LRSAM1: variants seen among roughly 807,000 people sequenced by gnomAD.
The protein encoded by LRSAM1 is E3 ubiquitin-protein ligase LRSAM1.
LRSAM1 carries 96 observed loss-of-function variants against 118.1 expected under a neutral mutation model. That is an observed-to-expected ratio of 0.81 (90% CI 0.69 to 0.96). The LOEUF is 0.96. Among genes scored for constraint, LRSAM1 ranks in the 40% least tolerant of loss-of-function variants. LRSAM1 has a pLI of 0.00. For synonymous variants in LRSAM1, 322 were observed against 364.2 expected (o/e 0.88, Z 1.32); for missense variants, 804 against 915.5 (o/e 0.88, Z 1.57).
chr9:127,489,425 C>A lies in LRSAM1; in HGVS notation c.1348-19C>A. 6.2e-7 allele frequency: 1 copy of A among 1,600,250 alleles called. No homozygotes were observed. The highest frequency in any genetic ancestry group is 8.5e-7 in the Non-Finnish European group (1 of 1,174,620). ...GTGTGGGCACGGCCCCTGCTGAGGG[C>A]TGGTGGTCTGTGTTGCAGAGCGCGA... On this transcript the variant is annotated intron_variant, in intron 18 of 25. Transcript: ENST00000300417.
intron 25 of LRSAM1, among the ~76,000 whole-genome samples, chr9:127,501,393 A>G (rs917843880): frequency 4.6e-5 from 7 of 151,966 alleles, no homozygotes; most frequent in African/African-American, 1.7e-4. Context: ...AATTTCCCAA[A>G]TCATGAAATA....
intron 3 of LRSAM1, 89 bp downstream of exon 3, chr9:127,454,688 G>T: frequency 5.9e-6 from 8 of 1,350,504 alleles, no homozygotes; most frequent in Non-Finnish European, 7.3e-6. Flanking sequence ...AACAAGCCGT[G>T]CTCCTTCCCA....
At chr9:127,451,491 C>T (rs1564245669), upstream of LRSAM1, 1 of 712,168 alleles carries the variant, frequency 1.4e-6, no homozygotes, top group South Asian at 1.8e-5. Flanking sequence ...CTTCCAGAGA[C>T]GCCCTTGTCG....
At chr9:127,453,654 C>T (rs1339056601) in intron 2 of LRSAM1, 1 of 152,248 alleles carries the variant, frequency 6.6e-6, no homozygotes, top group Non-Finnish European at 1.5e-5. Flanking sequence ...CTCTAAGTTT[C>T]CCTAGAACAG....
chr9:127,451,902 T>C (rs979269705), intron 1 of LRSAM1, 27 bp from the exon 2 acceptor site: 1 of 152,456 alleles, frequency 6.6e-6, no homozygotes, highest in African/African-American at 2.4e-5. Context: ...TGCGTGACTT[T>C]ATGAGATTCT....
chr9:127,467,304 A>G (rs1834991185), intron 9 of LRSAM1, among the ~76,000 whole-genome samples: 1 of 152,246 alleles, frequency 6.6e-6, no homozygotes, highest in Admixed American at 6.5e-5. Flanking sequence ...AAACTATCAC[A>G]AAGGGATAAA....
At chr9:127,456,135 T>C (rs1242660680) in intron 5 of LRSAM1, among the ~76,000 whole-genome samples, 3 of 134,250 alleles carry the variant, frequency 2.2e-5, no homozygotes, top group Non-Finnish European at 3.1e-5. Flanking sequence ...AGAAGCGCTC[T>C]AAGTGAAGTA....
Position 127,451,925 on chromosome 9 carries a change from C to T in LRSAM1, c.-188-4C>T, listed in dbSNP as rs926069370. ...TTTATGAGATTCTGAGTTTCTGTTC[C>T]CAGCACCTGCCTTTGAAGGAGACCA... On this transcript the variant is annotated splice_region_variant and splice_polypyrimidine_tract_variant and intron_variant, in intron 1 of 25. Transcript: ENST00000300417. 8 of 152,440 alleles carry T rather than the reference C, an allele frequency of 5.2e-5. No homozygotes were observed. The highest frequency in any genetic ancestry group is 1.7e-4 in the African/African-American group (7 of 41,582). 9.4% of individuals were successfully genotyped at this position (152,440 alleles called of 1,614,324 possible).
intron 11 of LRSAM1, among the ~76,000 whole-genome samples, chr9:127,474,666 A>C (rs1835292297): frequency 6.6e-6 from 1 of 152,176 alleles, no homozygotes; most frequent in Admixed American, 6.5e-5. Context: ...TCTCTCAGCA[A>C]ATACTTCTGG....
rs377190920 is a variant in LRSAM1, at chr9:127,492,797, C to G, written c.1504-5C>G. The G allele has an allele frequency of 3.6e-5, 58 of 1,613,208 alleles. 1 individual carries two copies. In the Middle Eastern group the frequency reaches 4.9e-4, roughly 14 times the overall value. ...CGGTGGTGCGGGGTGTGGTCTTGTT[C>G]GCAGGAGATGATCTCGGAGCAGCGC... On this transcript the variant is annotated splice_polypyrimidine_tract_variant and splice_region_variant and intron_variant, in intron 20 of 25. Transcript: ENST00000300417.
chr9:127,478,644 G>C (rs1835422072), intron 11 of LRSAM1, among the ~76,000 whole-genome samples: 1 of 152,184 alleles, frequency 6.6e-6, no homozygotes, highest in Admixed American at 6.5e-5. Flanking sequence ...CTGCTCTTCA[G>C]ACCACCATCC....
chr9:127,485,973 A>G, intron 17 of LRSAM1, 138 bp downstream of exon 17: 1 of 750,032 alleles, frequency 1.3e-6, no homozygotes, highest in Non-Finnish European at 2.3e-6. Context: ...GGGGCAAGTG[A>G]TGGCTGCTCT....
chr9:127,458,484 G>A (rs1307809644), intron 6 of LRSAM1, among the ~76,000 whole-genome samples: 2 of 152,166 alleles, frequency 1.3e-5, no homozygotes, highest in African/African-American at 2.4e-5. Flanking sequence ...GGAGGCTGAG[G>A]CACGAGAATC....
intron 10 of LRSAM1, among the ~76,000 whole-genome samples, chr9:127,468,564 G>A (rs1252105806): frequency 6.6e-6 from 1 of 152,152 alleles, no homozygotes; most frequent in East Asian, 1.9e-4. Context: ...CAGTGGGGAA[G>A]GATGGTCTTT....
intron 10 of LRSAM1, among the ~76,000 whole-genome samples, chr9:127,469,631 A>AC (rs397737639): frequency 2.0e-5 from 3 of 151,304 alleles, no homozygotes; most frequent in African/African-American, 4.9e-5. Context: ...AAAAAAAAAA[A>AC]CAAAAAACTT....
chr9:127,500,969 G>A (rs1836363303), intron 24 of LRSAM1, 41 bp from the exon 25 acceptor site: 20 of 1,613,386 alleles, frequency 1.2e-5, no homozygotes, highest in South Asian at 2.2e-5. Context: ...TAGGGTCAGC[G>A]GAGATGACCC....
intron 5 of LRSAM1, 53 bp from the exon 6 acceptor site, chr9:127,457,263 C>T: frequency 1.2e-6 from 2 of 1,607,062 alleles, no homozygotes; most frequent in South Asian, 1.1e-5. Context: ...CCTTAGCCTG[C>T]CCTGCCTGCT....
chr9:127,482,469 T>A, intron 15 of LRSAM1, among the ~76,000 whole-genome samples: 1 of 152,166 alleles, frequency 6.6e-6, no homozygotes, highest in Non-Finnish European at 1.5e-5. Context: ...AGGAAATATT[T>A]AAAGGACATT....
intron 11 of LRSAM1, among the ~76,000 whole-genome samples, chr9:127,475,867 A>T (rs1296230362): frequency 6.6e-6 from 1 of 151,866 alleles, no homozygotes; most frequent in Non-Finnish European, 1.5e-5. Context: ...CAGCCTCCCG[A>T]GTAGCTGGGA....
Sources: gnomAD v4.1 joint callset for allele counts (sites outside exome capture counted in the v4.1 genomes callset) on GRCh38, gnomAD v4.1.1 for gene constraint, MANE v1.5 for transcripts, NCBI Gene and HGNC (gene_info 2026-07-23, HGNC 2026-07-21) for gene names.